SMURF1: variants seen among roughly 807,000 people sequenced by gnomAD.
SMURF1 encodes the protein SMAD specific E3 ubiquitin protein ligase 1.
Under a neutral mutation model 98.0 loss-of-function variants are expected in SMURF1, and 44 were observed. That is an observed-to-expected ratio of 0.45 (90% CI 0.35 to 0.58). The LOEUF (loss-of-function observed/expected upper bound fraction) is 0.58. Ranked by LOEUF, SMURF1 falls within the 20% of genes least tolerant of loss-of-function variation. The pLI, the probability that SMURF1 is intolerant of heterozygous loss-of-function variation, is 0.00. For synonymous variants in SMURF1, 396 were observed against 374.9 expected (o/e 1.06, Z -0.65); for missense variants, 687 against 938.4 (o/e 0.73, Z 3.50).
At chr7:99,124,872 C>CTTACAGA (rs1797712353) in intron 1 of SMURF1, among the ~76,000 whole-genome samples, 1 of 152,234 alleles carries the variant, frequency 6.6e-6, no homozygotes, top group South Asian at 2.1e-4. Flanking sequence ...ATTTAACTTA[C>CTTACAGA]TTACAGACAC....
chr7:99,030,717 C>T (rs753620181), intron 17 of SMURF1, 34 bp from the exon 18 acceptor site: 2 of 1,585,408 alleles, frequency 1.3e-6, no homozygotes, highest in Non-Finnish European at 1.7e-6. Flanking sequence ...ACCGTGTGGG[C>T]AGTCCAGCCC....
At chr7:99,126,092 C>T (rs1037483735) in intron 1 of SMURF1, among the ~76,000 whole-genome samples, 1 of 152,298 alleles carries the variant, frequency 6.6e-6, no homozygotes, top group Admixed American at 6.5e-5. Context: ...CTGTTTCTAG[C>T]GAATGTACCA....
At chr7:99,074,799 G>A (rs1005912352) in intron 1 of SMURF1, among the ~76,000 whole-genome samples, 1 of 152,162 alleles carries the variant, frequency 6.6e-6, no homozygotes, top group African/African-American at 2.4e-5. Context: ...AAGCCAAGGT[G>A]GGAGGATGAC....
At chr7:99,088,944 G>A (rs1796741301) in intron 1 of SMURF1, among the ~76,000 whole-genome samples, 1 of 152,078 alleles carries the variant, frequency 6.6e-6, no homozygotes, top group African/African-American at 2.4e-5. Context: ...GCTGGCTCAC[G>A]CCTGTAATCC....
intron 10 of SMURF1, among the ~76,000 whole-genome samples, chr7:99,047,382 A>G (rs946466093): frequency 2.6e-5 from 4 of 152,138 alleles, no homozygotes; most frequent in Non-Finnish European, 5.9e-5. Context: ...TTCTGTATAC[A>G]CCTCTAGGTT....
chr7:99,092,668 T>C (rs946072932), intron 1 of SMURF1, among the ~76,000 whole-genome samples: 4 of 152,208 alleles, frequency 2.6e-5, no homozygotes, highest in African/African-American at 9.6e-5. Flanking sequence ...GGTGAAGTGC[T>C]ATCCAGTGTG....
chr7:99,078,341 A>T (rs1171941468), intron 1 of SMURF1, among the ~76,000 whole-genome samples: 1 of 152,118 alleles, frequency 6.6e-6, no homozygotes, highest in Non-Finnish European at 1.5e-5. Flanking sequence ...TCCAACTTGA[A>T]TAAAATTGAC....
intron 1 of SMURF1, among the ~76,000 whole-genome samples, chr7:99,138,397 G>A (rs1026721777): frequency 1.3e-4 from 20 of 151,894 alleles, no homozygotes; most frequent in African/African-American, 2.6e-4. Flanking sequence ...ACTATTTGTC[G>A]TTTTGTCTTT....
At chr7:99,127,774 T>A (rs1456699039) in intron 1 of SMURF1, among the ~76,000 whole-genome samples, 2 of 152,174 alleles carry the variant, frequency 1.3e-5, no homozygotes, top group Non-Finnish European at 2.9e-5. Context: ...AAACACCAAA[T>A]CCTTGACTCA....
chr7:99,083,931 T>TA (rs755801409), intron 1 of SMURF1, among the ~76,000 whole-genome samples: 8 of 152,190 alleles, frequency 5.3e-5, no homozygotes, highest in Non-Finnish European at 1.0e-4. Flanking sequence ...CAGCACATAG[T>TA]AGGCACTTGA....
intron 1 of SMURF1, among the ~76,000 whole-genome samples, chr7:99,137,255 T>A (rs984214502): frequency 6.6e-6 from 1 of 152,226 alleles, no homozygotes; most frequent in Non-Finnish European, 1.5e-5. Flanking sequence ...AATTCATAAC[T>A]ACTCATTAAA....
chr7:99,115,828 A>C (rs1797431346), intron 1 of SMURF1, among the ~76,000 whole-genome samples: 6 of 152,064 alleles, frequency 3.9e-5, no homozygotes, highest in Admixed American at 3.9e-4. Flanking sequence ...AAAAAGAAAA[A>C]CTCTAAGACC....
At chr7:99,124,768 C>CA (rs1176058872) in intron 1 of SMURF1, among the ~76,000 whole-genome samples, 2 of 152,126 alleles carry the variant, frequency 1.3e-5, no homozygotes, top group African/African-American at 2.4e-5. Flanking sequence ...AATAAAGCAG[C>CA]AAGATACTAA....
chr7:99,046,600 C>T (rs892220033), intron 10 of SMURF1, among the ~76,000 whole-genome samples: 2 of 151,620 alleles, frequency 1.3e-5, no homozygotes, highest in Admixed American at 6.6e-5. Context: ...GGCCTGGTGG[C>T]GGGCGCCTGT....
chr7:99,141,567 T>C (rs963283497), intron 1 of SMURF1, among the ~76,000 whole-genome samples: 1 of 152,150 alleles, frequency 6.6e-6, no homozygotes, highest in African/African-American at 2.4e-5. Context: ...CATAAAGAAA[T>C]GTATTTCCCC....
At chr7:99,066,576 G>A (rs572521535) in intron 1 of SMURF1, among the ~76,000 whole-genome samples, 4 of 152,024 alleles carry the variant, frequency 2.6e-5, no homozygotes, top group South Asian at 2.1e-4. Flanking sequence ...TCAGGAGTTC[G>A]AGACCAGCCT....
At chr7:99,122,327 C>CA (rs1210398152) in intron 1 of SMURF1, among the ~76,000 whole-genome samples, 188 of 99,220 alleles carry the variant, frequency 1.9e-3, no homozygotes, top group East Asian at 7.1e-3. Flanking sequence ...GACTCTGTCT[C>CA]AAAAAAAAAA....
chr7:99,042,306 G>C (rs1795416661), intron 11 of SMURF1, 74 bp from the exon 12 acceptor site: 1 of 960,748 alleles, frequency 1.0e-6, no homozygotes, highest in Admixed American at 2.0e-5. Flanking sequence ...CTGAGATGGA[G>C]TCTCACTCTG....
intron 1 of SMURF1, among the ~76,000 whole-genome samples, chr7:99,092,615 T>C (rs1796839089): frequency 6.6e-6 from 1 of 152,198 alleles, no homozygotes; most frequent in African/African-American, 2.4e-5. Flanking sequence ...GTCTGTGCTT[T>C]GTGTTGGTGA....
Sources: gnomAD v4.1 joint callset for allele counts (sites outside exome capture counted in the v4.1 genomes callset) on GRCh38, gnomAD v4.1.1 for gene constraint, MANE v1.5 for transcripts, NCBI Gene and HGNC (gene_info 2026-07-23, HGNC 2026-07-21) for gene names.